The following USF2 variants were observed in gnomAD, a reference collection of about 807,000 sequenced individuals.
The protein encoded by USF2 is upstream stimulatory factor 2.
USF2 carries 16 observed loss-of-function variants against 46.9 expected under a neutral mutation model. The observed-to-expected ratio is 0.34, with a 90% CI of 0.23 to 0.52. The LOEUF is 0.52. Ranked by LOEUF, USF2 falls within the 20% of genes least tolerant of loss-of-function variation. USF2 has a pLI of 0.96. For missense variants in USF2, 411 were observed against 474.0 expected (o/e 0.87, Z 1.23); for synonymous variants, 239 against 194.1 (o/e 1.23, Z -1.92).
At chr19:35,276,314 C>T (rs906318396) in intron 7 of USF2, among the ~76,000 whole-genome samples, 3 of 152,138 alleles carry the variant, frequency 2.0e-5, no homozygotes, top group Non-Finnish European at 2.9e-5. Context: ...TCATGTGATC[C>T]ACCCTCCCAA....
In USF2 at chr19:35,269,654, C is replaced by G; in HGVS notation, c.183C>G (p.Asp61Glu). 1 of 1,597,406 alleles carries G rather than the reference C, an allele frequency of 6.3e-7. No individual in the cohort carries two copies. The highest frequency in any genetic ancestry group is 8.5e-7 in the Non-Finnish European group (1 of 1,173,090). ...GCGTCCAGCAGGCGGCGTTCGGCGACCACAACATCCAGTACCAGTTCCGCA... is the reference window on the plus strand; with the variant it reads ...GCGTCCAGCAGGCGGCGTTCGGCGAGCACAACATCCAGTACCAGTTCCGCA... ...ITSVQQAAFGDHNIQYQFRTE... is the reference protein window; with the variant it reads ...ITSVQQAAFGEHNIQYQFRTE... The change falls in exon 3 of 10, where the codon GAC (aspartate) becomes GAG (glutamate). Residue 61 changes from aspartate (D) to glutamate (E), a missense_variant. Coordinates refer to ENST00000222305, the MANE Select transcript of USF2 (RefSeq NM_003367.4).
At chr19:35,273,821 A>T (rs888508903) in intron 7 of USF2, among the ~76,000 whole-genome samples, 3 of 152,156 alleles carry the variant, frequency 2.0e-5, no homozygotes, top group African/African-American at 7.2e-5. Flanking sequence ...TACAGGCCTG[A>T]GCTGCCACAC....
At position 35,272,550 on chromosome 19, in the gene USF2, G is replaced by T. The variant is rs2066172638; in HGVS notation, c.727+1409G>T. Among the ~76,000 whole-genome samples the T allele has an allele frequency of 2.0e-5, 3 of 152,292 alleles. No individual in the cohort carries two copies. The South Asian group carries it at 6.2e-4, about 32-fold the overall frequency. On this transcript the variant is annotated intron_variant, in intron 7 of 9. Transcript: ENST00000222305. Reference sequence around the variant, plus strand: ...GGAAAGAGGAAGTTGGCGCAGTGGAGGGGGCTGCCCAGGCCAGATGGTGGA... The same window carrying T: ...GGAAAGAGGAAGTTGGCGCAGTGGATGGGGCTGCCCAGGCCAGATGGTGGA...
intron 7 of USF2, among the ~76,000 whole-genome samples, chr19:35,272,261 T>C (rs999165387): frequency 1.3e-5 from 2 of 151,454 alleles, no homozygotes; most frequent in Non-Finnish European, 2.9e-5. Context: ...GAGATGGGAG[T>C]CACACAGCCG....
At position 35,270,729 on chromosome 19, in the gene USF2, G is replaced by A. The variant is rs775846053; in HGVS notation, c.592G>A (p.Val198Ile). Reference sequence around the variant, plus strand: ...CACTCTCCCTGCAGGCCAGTTCTACGTCATGATGACGCCCCAGGATGTGCT... The same window carrying A: ...CACTCTCCCTGCAGGCCAGTTCTACATCATGATGACGCCCCAGGATGTGCT... ...QSLQAGGQFY[V>I]MMTPQDVLQT... Residue 198 changes from valine to isoleucine, a missense_variant, in exon 6 of 10, where the codon GTC becomes ATC. By Grantham distance (29) the Val-to-Ile change is conservative. This residue lies in a region of USF2 where 318 missense variants were observed against 322.4 expected (regional missense o/e 0.99). Coordinates refer to ENST00000222305, the MANE Select transcript of USF2 (RefSeq NM_003367.4). The A allele has an allele frequency of 6.2e-6, 10 of 1,613,960 alleles. No individual in the cohort carries two copies. Among genetic ancestry groups the A allele is most frequent in the South Asian group, 4.4e-5 (4 of 91,086 alleles).
chr19:35,272,003 C>G (rs2066163385), intron 7 of USF2, among the ~76,000 whole-genome samples: 1 of 152,058 alleles, frequency 6.6e-6, no homozygotes, highest in Admixed American at 6.6e-5. Flanking sequence ...TTTAGAATGC[C>G]TCAGGAGGGA....
At chr19:35,278,874 C>G (rs550896497) in intron 8 of USF2, 72 bp from the exon 9 acceptor site, 1 of 1,601,198 alleles carries the variant, frequency 6.2e-7, no homozygotes, top group Non-Finnish European at 8.5e-7. Flanking sequence ...CCATGGGGCT[C>G]GGGAGTCATC....
At position 35,270,536 on chromosome 19, in the gene USF2, C is replaced by T. The variant is rs756872144; in HGVS notation, c.519C>T (p.Ser173=). ...CACGATTTGCCTATTTCCCAGCGTC[C>T]AGTGTGGGAGATACTACGGCTGTGT... ...GEARFAYFPA[S]SVGDTTAVSV... is the part of the protein sequence containing the mutation. The change falls in exon 5 of 10, where the codon TCC becomes TCT. Residue 173 remains serine, a synonymous_variant. Coordinates refer to ENST00000222305, the MANE Select transcript of USF2 (RefSeq NM_003367.4). The T allele has an allele frequency of 3.2e-5, 51 of 1,614,056 alleles. No homozygotes were observed. Among genetic ancestry groups the T allele is most frequent in the South Asian group, 2.6e-4 (24 of 91,088 alleles).
Position 35,269,510 on chromosome 19 carries a change from C to G in USF2, c.109+18C>G, listed in dbSNP as rs2272539. ...GCAGGAAGGTGAGTGCTTGCCGGGC[C>G]GGCCGCGCCCGGGGAGGGCTGGGGG... On this transcript the variant is annotated intron_variant, in intron 2 of 9. Transcript: ENST00000222305. 3.2e-3 allele frequency: 4,967 copies of G among 1,539,764 alleles called. 206 individuals carry two copies. The East Asian group carries it at 0.094, about 29-fold the overall frequency.
Position 35,279,563 on chromosome 19 carries a change from C to T in USF2, c.*307C>T, listed in dbSNP as rs552738109. On this transcript the variant is annotated 3_prime_UTR_variant, in exon 10 of 10. Coordinates refer to ENST00000222305, the MANE Select transcript of USF2 (RefSeq NM_003367.4). ...GAGGGAGGGGACAGAGGCCCTGCCA[C>T]GTCCCGCTGCCTCCTGCTCTCTGGA... The T allele has an allele frequency of 5.8e-6, 2 of 343,992 alleles. No individual in the cohort carries two copies. The highest frequency in any genetic ancestry group is 2.1e-5 in the African/African-American group (1 of 46,974). The allele number at this position is 343,992 out of a possible 1,614,324, so 21.3% of individuals were successfully genotyped here. A position where few individuals can be genotyped will look rare whatever the true frequency, so the allele number is the denominator to read the frequency against.
chr19:35,272,890 C>A (rs764741174), intron 7 of USF2, among the ~76,000 whole-genome samples: 1 of 151,930 alleles, frequency 6.6e-6, no homozygotes, highest in East Asian at 1.9e-4. Flanking sequence ...AGCCCCAGCC[C>A]CACGACTTAC....
rs755503693 is a variant in USF2 at position 35,278,747 on chromosome 19, G to A, written c.777G>A (p.Ser259=). The A allele has an allele frequency of 1.1e-5, 17 of 1,614,042 alleles. No individual in the cohort carries two copies. Among genetic ancestry groups the A allele is most frequent in the South Asian group, 7.7e-5 (7 of 91,084 alleles). ...DKINNWIVQL[S]KIIPDCNADN... is the part of the protein sequence containing the mutation. Reference sequence around the variant, plus strand: ...TCAACAACTGGATCGTCCAGCTTTCGAAAATCATTCCAGACTGTAACGCAG... The same window carrying A: ...TCAACAACTGGATCGTCCAGCTTTCAAAAATCATTCCAGACTGTAACGCAG... Residue 259 remains serine (S), a synonymous_variant, in exon 8 of 10, where the codon TCG becomes TCA. Coordinates refer to ENST00000222305, the MANE Select transcript of USF2 (RefSeq NM_003367.4).
At chr19:35,270,849 G>A (rs766808495) in intron 6 of USF2, 44 bp downstream of exon 6, 4 of 1,609,546 alleles carry the variant, frequency 2.5e-6, no homozygotes, top group Admixed American at 1.7e-5. Flanking sequence ...TGAAATGGAA[G>A]GAAGAGGGGT....
chr19:35,275,397 C>T (rs1006448784), intron 7 of USF2: 4 of 151,404 alleles, frequency 2.6e-5, no homozygotes, highest in African/African-American at 9.7e-5. Context: ...TTTAGCTTCC[C>T]TGGCACACCC....
chr19:35,277,813 G>T (rs1480330493), intron 7 of USF2: 2 of 152,306 alleles, frequency 1.3e-5, no homozygotes, highest in African/African-American at 4.8e-5. Flanking sequence ...GGTTGGGACA[G>T]CCTGGCTTTA....
At chr19:35,278,186 A>G (rs940112730) in intron 7 of USF2, 5 of 152,966 alleles carry the variant, frequency 3.3e-5, no homozygotes, top group African/African-American at 1.2e-4. Flanking sequence ...AGAGATGAGG[A>G]AAAAAAACAA....
In USF2 at chr19:35,270,818, G is replaced by A. The variant is rs1183482218; in HGVS notation, c.668+13G>A. ...ACCCTTACTCTCCGTATGTGCAGGG[G>A]ACACCTGGAGGGCCTGGTGTTGAAA... On this transcript the variant is annotated intron_variant, in intron 6 of 9. Coordinates refer to ENST00000222305, the MANE Select transcript of USF2 (RefSeq NM_003367.4). The A allele has an allele frequency of 1.9e-6, 3 of 1,614,088 alleles. No individual in the cohort carries two copies. Among genetic ancestry groups the A allele is most frequent in the South Asian group, 2.2e-5 (2 of 91,090 alleles).
Position 35,269,783 on chromosome 19 carries a change from C to G in USF2, c.229-20C>G. The G allele has an allele frequency of 6.7e-7, 1 of 1,489,738 alleles. No homozygotes were observed. Among genetic ancestry groups the G allele is most frequent in the Non-Finnish European group, 8.9e-7 (1 of 1,123,970 alleles). The allele number at this position is 1,489,738 out of a possible 1,614,324, so 92.3% of individuals were successfully genotyped here. On this transcript the variant is annotated intron_variant, in intron 3 of 9. Transcript: ENST00000222305. ...GACCTGGCCCCAGCGCCGGCCTCGCCGCTCTGCCGCCCCCTGCAGGTGACA... is the reference window on the plus strand; with the variant it reads ...GACCTGGCCCCAGCGCCGGCCTCGCGGCTCTGCCGCCCCCTGCAGGTGACA...
chr19:35,271,089 T>C lies in USF2; in HGVS notation c.675T>C (p.Ile225=). 3.1e-6 allele frequency: 5 copies of C among 1,613,678 alleles called. No individual in the cohort carries two copies. The highest frequency in any genetic ancestry group is 4.2e-6 in the Non-Finnish European group (5 of 1,179,910). The change falls in exon 7 of 10, where the codon ATT becomes ATC. Residue 225 remains isoleucine (I), a synonymous_variant. Transcript: ENST00000222305. ...TTTTTTCCTCCTCTTGTAGAAAAAT[T>C]GATGGAACCAGAACACCCCGAGATG... ...APRTHPYSPK[I]DGTRTPRDER... is the part of the protein sequence containing the mutation.
Sources: allele counts gnomAD v4.1 joint callset (sites outside exome capture counted in the v4.1 genomes callset), GRCh38; gene constraint gnomAD v4.1.1; regional missense constraint gnomAD v4.1.1; transcripts MANE v1.5; gene names NCBI Gene and HGNC (gene_info 2026-07-23, HGNC 2026-07-21).